TBC1D19: variants seen among roughly 807,000 people sequenced by gnomAD.
TBC1D19 encodes the protein TBC1 domain family member 19, also known as TBC1 domain family, member 19.
Under a neutral mutation model 89.0 loss-of-function variants are expected in TBC1D19, and 60 were observed. The ratio of observed to expected loss-of-function variants is 0.67; its 90% CI spans 0.55 to 0.84. TBC1D19 has a LOEUF of 0.84. Ranked by LOEUF, TBC1D19 falls within the 40% of genes least tolerant of loss-of-function variation. The probability of loss-of-function intolerance (pLI) is 0.00; values close to 1 mark genes in which losing one functional copy is unlikely to be tolerated. For synonymous variants in TBC1D19, 189 were observed against 199.7 expected (o/e 0.95, Z 0.45); for missense variants, 500 against 610.8 (o/e 0.82, Z 1.91).
chr4:26,797,471 A>C, the TBC1D19 span, among the ~76,000 whole-genome samples: 2 of 152,234 alleles, frequency 1.3e-5, no homozygotes, highest in African/African-American at 4.8e-5. Flanking sequence ...ATACTGCCCA[A>C]GGCAATCTAC....
chr4:26,631,565 C>T (rs755244599), intron 4 of TBC1D19, among the ~76,000 whole-genome samples: 55 of 152,246 alleles, frequency 3.6e-4, no homozygotes, highest in Non-Finnish European at 6.8e-4. Context: ...CTGAATTGGA[C>T]ATACTCTTTT....
chr4:26,837,734 G>A, the TBC1D19 span, among the ~76,000 whole-genome samples: 3 of 152,142 alleles, frequency 2.0e-5, no homozygotes, highest in African/African-American at 4.8e-5. Context: ...ATCACTAAGG[G>A]CAAGAGTAGA....
chr4:26,607,884 G>A (rs1233485019), intron 1 of TBC1D19, among the ~76,000 whole-genome samples: 1 of 152,204 alleles, frequency 6.6e-6, no homozygotes, highest in Non-Finnish European at 1.5e-5. Flanking sequence ...GCTTGCACAT[G>A]TGTGCTTGTG....
the TBC1D19 span, among the ~76,000 whole-genome samples, chr4:26,836,217 C>T: frequency 1.3e-5 from 2 of 152,156 alleles, no homozygotes; most frequent in Non-Finnish European, 2.9e-5. Flanking sequence ...TTTAATTGTA[C>T]GTCTCCTCAA....
the TBC1D19 span, among the ~76,000 whole-genome samples, chr4:26,807,008 C>T: frequency 3.9e-5 from 6 of 152,158 alleles, no homozygotes; most frequent in Non-Finnish European, 5.9e-5. Context: ...TCCTAGGAAA[C>T]TAATATAACA....
chr4:26,844,369 T>C, the TBC1D19 span, among the ~76,000 whole-genome samples: 1 of 152,206 alleles, frequency 6.6e-6, no homozygotes. Context: ...TCAAATAAAA[T>C]AGCTTTTCAT....
At chr4:26,631,903 CTGTTT>C (rs1303326807) in intron 4 of TBC1D19, among the ~76,000 whole-genome samples, 1 of 151,956 alleles carries the variant, frequency 6.6e-6, no homozygotes, top group African/African-American at 2.4e-5. Context: ...TTTCTCTTGA[CTGTTT>C]TCTCTATATA....
chr4:26,607,210 C>A (rs1741069021), intron 1 of TBC1D19, among the ~76,000 whole-genome samples: 1 of 152,136 alleles, frequency 6.6e-6, no homozygotes, highest in Non-Finnish European at 1.5e-5. Flanking sequence ...TCTTCACTAG[C>A]TCTTAAAGTG....
chr4:26,619,107 G>C (rs1330641501), intron 3 of TBC1D19, among the ~76,000 whole-genome samples: 1 of 151,842 alleles, frequency 6.6e-6, no homozygotes, highest in Non-Finnish European at 1.5e-5. Context: ...TGACTTTCAA[G>C]TTGTCTCCTC....
At chr4:26,778,148 G>A in the TBC1D19 span, among the ~76,000 whole-genome samples, 1 of 151,904 alleles carries the variant, frequency 6.6e-6, no homozygotes, top group Admixed American at 6.6e-5. Flanking sequence ...GGACACAGTG[G>A]CTCATGCCTG....
At chr4:26,661,918 T>G (rs1248346745) in intron 8 of TBC1D19, among the ~76,000 whole-genome samples, 1 of 152,216 alleles carries the variant, frequency 6.6e-6, no homozygotes, top group East Asian at 1.9e-4. Flanking sequence ...GAATCATTTC[T>G]TGTAATGCAC....
chr4:26,782,147 C>G, the TBC1D19 span, among the ~76,000 whole-genome samples: 7 of 152,078 alleles, frequency 4.6e-5, no homozygotes, highest in African/African-American at 1.7e-4. Flanking sequence ...TTTTTATCAC[C>G]CCGCAGAGGC....
the TBC1D19 span, among the ~76,000 whole-genome samples, chr4:26,806,825 G>A: frequency 6.6e-6 from 1 of 152,316 alleles, no homozygotes; most frequent in African/African-American, 2.4e-5. Context: ...GACGGCAGAG[G>A]CAAGATTGAA....
At chr4:26,772,887 C>A in the TBC1D19 span, among the ~76,000 whole-genome samples, 876 of 152,224 alleles carry the variant, frequency 5.8e-3, 7 homozygotes, top group African/African-American at 0.02. Flanking sequence ...TAGTTTCATT[C>A]CGTGTCTTTG....
chr4:26,740,870 A>C, intron 17 of TBC1D19: 1 of 985,284 alleles, frequency 1.0e-6, no homozygotes, highest in Non-Finnish European at 1.2e-6. Context: ...ACCTTCCTCC[A>C]TCTCCAGTTT....
At chr4:26,725,329 G>C (rs1225917904) in intron 15 of TBC1D19, among the ~76,000 whole-genome samples, 1 of 152,146 alleles carries the variant, frequency 6.6e-6, no homozygotes, top group African/African-American at 2.4e-5. Context: ...TGCTTTAATG[G>C]AGGAATGGAG....
At chr4:26,586,483 T>C (rs1007057925) in intron 1 of TBC1D19, among the ~76,000 whole-genome samples, 2 of 152,178 alleles carry the variant, frequency 1.3e-5, no homozygotes, top group African/African-American at 4.8e-5. Flanking sequence ...TAGAATCCTC[T>C]TATAAATTAC....
At chr4:26,601,490 G>A (rs1003055128) in intron 1 of TBC1D19, among the ~76,000 whole-genome samples, 2 of 152,196 alleles carry the variant, frequency 1.3e-5, no homozygotes, top group African/African-American at 2.4e-5. Context: ...AGAGGAAATG[G>A]CTAGAGATTG....
chr4:26,718,169 A>C, intron 14 of TBC1D19, 152 bp downstream of exon 14: 1 of 582,168 alleles, frequency 1.7e-6, no homozygotes, highest in Non-Finnish European at 2.9e-6. Context: ...CATACCTCAA[A>C]TCAGTGCCCA....
Sources: gnomAD v4.1 joint callset for allele counts (sites outside exome capture counted in the v4.1 genomes callset) on GRCh38, gnomAD v4.1.1 for gene constraint, MANE v1.5 for transcripts, NCBI Gene and HGNC (gene_info 2026-07-23, HGNC 2026-07-21) for gene names.